BRWD1: variants seen among roughly 807,000 people sequenced by gnomAD.
BRWD1 encodes the protein bromodomain and WD repeat-containing protein 1.
In BRWD1, 82 loss-of-function variants were observed where a neutral mutation model predicts 251.2. That is an observed-to-expected ratio of 0.33 (90% CI 0.27 to 0.39). The LOEUF (loss-of-function observed/expected upper bound fraction) is 0.39. Among genes scored for constraint, BRWD1 ranks in the 10% least tolerant of loss-of-function variants. The pLI is 1.00. For missense variants in BRWD1, 2,233 were observed against 2,711.6 expected, an observed-to-expected ratio of 0.82 and a Z score of 3.92; for synonymous variants, 918 against 902.8, an observed-to-expected ratio of 1.02 and a Z score of -0.30.
rs141180483 is a variant in BRWD1, at chr21:39,305,284, T to C, written c.199-6702A>G. Among the ~76,000 whole-genome samples the C allele has an allele frequency of 9.0e-3, 1,364 of 152,222 alleles. 7 individuals are homozygous for C. Among genetic ancestry groups the C allele is most frequent in the South Asian group, 0.04 (193 of 4,820 alleles). On this transcript the variant is annotated intron_variant, in intron 4 of 40. Coordinates refer to ENST00000342449, the MANE Select transcript of BRWD1 (RefSeq NM_033656.4). The stretch of plus-strand genomic sequence containing the variant: ...GTAGTTGGAGATTTTAACAAATCTT[T>C]CTCAGGAATCAATACAGTAAGCTTG...
At chr21:39,283,107 T>A (rs542907029) in intron 8 of BRWD1, among the ~76,000 whole-genome samples, 1 of 152,324 alleles carries the variant, frequency 6.6e-6, no homozygotes, top group East Asian at 1.9e-4. Flanking sequence ...TGGACTGATA[T>A]ATACTGTTTT....
intron 16 of BRWD1, 83 bp downstream of exon 16, chr21:39,264,808 C>A: frequency 6.4e-7 from 1 of 1,552,300 alleles, no homozygotes; most frequent in South Asian, 1.2e-5. Flanking sequence ...AAACTGTTTC[C>A]AAAACATAGC....
At chr21:39,260,338 A>G (rs2146640621) in intron 17 of BRWD1, among the ~76,000 whole-genome samples, 1 of 152,114 alleles carries the variant, frequency 6.6e-6, no homozygotes, top group South Asian at 2.1e-4. Context: ...GTCTTGCTAT[A>G]TTGCCCAGGC....
upstream of BRWD1, chr21:39,314,579 T>C: frequency 5.8e-6 from 2 of 347,370 alleles, no homozygotes; most frequent in South Asian, 4.3e-5. Flanking sequence ...GAAAATTCCC[T>C]TGTCTTGCCA....
rs928045434 is a variant in BRWD1 at position 39,255,292 on chromosome 21, A to G, written c.2255+353T>C. 3.0e-3 allele frequency among the ~76,000 whole-genome samples: 462 copies of G among 152,050 alleles called. 2 individuals carry two copies. Among genetic ancestry groups the G allele is most frequent in the African/African-American group, 0.011 (443 of 41,478 alleles). ...CTGGGTGTGGTGGCGGGCGCCTGTA[A>G]GCCCAGCTACTCAGGAGGCTGAGGC... On this transcript the variant is annotated intron_variant, in intron 19 of 40. Transcript: ENST00000342449.
chr21:39,305,028 C>T (rs1253805083), intron 4 of BRWD1, among the ~76,000 whole-genome samples: 6 of 144,780 alleles, frequency 4.1e-5, no homozygotes, highest in African/African-American at 1.5e-4. Context: ...GGCACAATCT[C>T]CGCTCACTGT....
chr21:39,196,713 T>G lies in BRWD1; in HGVS notation c.6356A>C (p.Gln2119Pro). ...TTTTACTTCCTTCTCTGCTGTTTCC[T>G]GTGAATCATGAATCACTTTTGTCTT... Reference protein sequence around the residue: ...FSKTKVIHDSQETAEKEVKRK... With the variant: ...FSKTKVIHDSPETAEKEVKRK... Residue 2119 changes from glutamine (Q) to proline (P), a missense_variant, in exon 41 of 41, where the codon CAG (glutamine) becomes CCG (proline). Coordinates refer to ENST00000342449, the MANE Select transcript of BRWD1 (RefSeq NM_033656.4). 1.9e-6 allele frequency: 3 copies of G among 1,613,926 alleles called. No individual in the cohort carries two copies. The highest frequency in any genetic ancestry group is 1.7e-6 in the Non-Finnish European group (2 of 1,179,894).
At chr21:39,205,371 G>T (rs907643193) in intron 37 of BRWD1, among the ~76,000 whole-genome samples, 1 of 152,118 alleles carries the variant, frequency 6.6e-6, no homozygotes, top group Non-Finnish European at 1.5e-5. Flanking sequence ...CAACTACTCG[G>T]GAAGCTGAGG....
chr21:39,319,419 G>A (rs1349217411), intron 1 of BRWD1, among the ~76,000 whole-genome samples: 1 of 152,198 alleles, frequency 6.6e-6, no homozygotes, highest in African/African-American at 2.4e-5. Flanking sequence ...ATTTCTCACA[G>A]CACTAGAGAA....
intron 22 of BRWD1, among the ~76,000 whole-genome samples, chr21:39,237,970 A>C (rs900504865): frequency 4.6e-5 from 7 of 152,178 alleles, no homozygotes; most frequent in African/African-American, 1.7e-4. Flanking sequence ...AAAAAAAAGA[A>C]AGATGATCTG....
chr21:39,268,479 G>A (rs1178493060), intron 15 of BRWD1, among the ~76,000 whole-genome samples: 4 of 129,524 alleles, frequency 3.1e-5, no homozygotes, highest in Non-Finnish European at 6.4e-5. Flanking sequence ...ATAGTAAGGG[G>A]ACAAATAAAT....
At chr21:39,198,712 A>G in intron 40 of BRWD1, 51 bp downstream of exon 40, 2 of 1,472,792 alleles carry the variant, frequency 1.4e-6, no homozygotes, top group Non-Finnish European at 1.8e-6. Flanking sequence ...TGTGTAAGAG[A>G]AAAGGATGGT....
chr21:39,296,360 C>T lies in BRWD1; in HGVS notation c.353G>A (p.Cys118Tyr), dbSNP rs756938505. ...AGAGCCCTTCCAAACTGTGTGCCTG[C>T]AGTCTTTAAAATGAATTTTAGATAC... ...RQSLLRTAKD[C>Y]RHTVWKGSAF... Residue 118 changes from cysteine (C) to tyrosine (Y), a missense_variant, in exon 6 of 41, where the codon TGC (cysteine) becomes TAC (tyrosine). Cys to Tyr is a radical substitution (Grantham distance 194). Transcript: ENST00000342449. 4.5e-6 allele frequency: 7 copies of T among 1,563,704 alleles called. No homozygotes were observed. Among genetic ancestry groups the T allele is most frequent in the Admixed American group, 2.1e-5 (1 of 48,628 alleles).
Position 39,247,305 on chromosome 21 carries a change from C to T in BRWD1, c.2481+396G>A, listed in dbSNP as rs140257851. 1.5e-3 allele frequency among the ~76,000 whole-genome samples: 231 copies of T among 152,226 alleles called. 1 individual carries two copies. The highest frequency in any genetic ancestry group is 2.6e-3 in the Non-Finnish European group (179 of 68,012). On this transcript the variant is annotated intron_variant, in intron 21 of 40. Transcript: ENST00000342449. The stretch of plus-strand genomic sequence containing the variant: ...CAGGTTATATACCCCTTATCCAGAA[C>T]GCTGGGGAATAGAATTGTTTCAGAT...
chr21:39,255,396 G>C (rs2034530871), intron 19 of BRWD1, among the ~76,000 whole-genome samples: 1 of 151,228 alleles, frequency 6.6e-6, no homozygotes, highest in African/African-American at 2.4e-5. Flanking sequence ...TGCGCAACGA[G>C]AGCGAAACTC....
intron 31 of BRWD1, chr21:39,217,034 TAAA>T (rs1568877693): frequency 7.7e-4 from 15 of 19,564 alleles, no homozygotes; most frequent in African/African-American, 2.0e-3. Flanking sequence ...TATATATATA[TAAA>T]TATATATATA....
intron 25 of BRWD1, 69 bp from the exon 26 acceptor site, chr21:39,229,505 T>C (rs2033523156): frequency 3.6e-6 from 5 of 1,406,908 alleles, no homozygotes; most frequent in South Asian, 2.5e-5. Context: ...CTCCACATAC[T>C]GTTATATTAA....
At chr21:39,310,477 A>G (rs1200697179) in intron 4 of BRWD1, among the ~76,000 whole-genome samples, 1 of 152,156 alleles carries the variant, frequency 6.6e-6, no homozygotes, top group Admixed American at 6.5e-5. Context: ...CATCTCTACT[A>G]AAAATACAAA....
intron 4 of BRWD1, among the ~76,000 whole-genome samples, chr21:39,301,992 T>G (rs1378883082): frequency 4.2e-5 from 6 of 142,188 alleles, no homozygotes; most frequent in Non-Finnish European, 7.7e-5. Context: ...TTTTTTTTTT[T>G]TTTTTTTTTT....
Sources: gnomAD v4.1 joint callset for allele counts (sites outside exome capture counted in the v4.1 genomes callset) on GRCh38, gnomAD v4.1.1 for gene constraint, MANE v1.5 for transcripts, NCBI Gene and HGNC (gene_info 2026-07-23, HGNC 2026-07-21) for gene names.